KDM1B: variants seen among roughly 807,000 people sequenced by gnomAD.
The protein encoded by KDM1B is lysine demethylase 1B.
KDM1B carries 63 observed loss-of-function variants against 107.4 expected under a neutral mutation model. That is an observed-to-expected ratio of 0.59 (90% CI 0.48 to 0.72). The LOEUF (loss-of-function observed/expected upper bound fraction) is 0.72, where lower values mean the gene tolerates loss of function less well. Ranked by LOEUF, KDM1B falls within the 30% of genes least tolerant of loss-of-function variation. The probability of loss-of-function intolerance (pLI) is 0.00; values close to 1 mark genes in which losing one functional copy is unlikely to be tolerated. For synonymous variants in KDM1B, 363 were observed against 363.9 expected (o/e 1.00, Z 0.03); for missense variants, 749 against 1,020.8 (o/e 0.73, Z 3.63).
chr6:18,184,245 G>C (rs538916545), intron 7 of KDM1B, among the ~76,000 whole-genome samples: 1 of 147,868 alleles, frequency 6.8e-6, no homozygotes, highest in East Asian at 2.0e-4. Context: ...TACATGAATG[G>C]TATCCTACAC....
chr6:18,166,509 T>C (rs1335776105), intron 6 of KDM1B, 131 bp downstream of exon 6: 19 of 596,762 alleles, frequency 3.2e-5, no homozygotes, highest in Non-Finnish European at 5.2e-5. Flanking sequence ...AGCAAATATT[T>C]TTTATTTTTA....
At chr6:18,202,863 T>A (rs214610) in intron 14 of KDM1B, among the ~76,000 whole-genome samples, 1 of 152,204 alleles carries the variant, frequency 6.6e-6, no homozygotes, top group African/African-American at 2.4e-5. Flanking sequence ...TTGACTGATA[T>A]ACTACAAGAG....
chr6:18,191,232 C>G lies in KDM1B; in HGVS notation c.820C>G (p.Gln274Glu), dbSNP rs1459153846. The change falls in exon 10 of 22, where the codon CAG becomes GAG. Residue 274 changes from glutamine (Q) to glutamate (E), a missense_variant. Coordinates refer to ENST00000650836, the MANE Select transcript of KDM1B (RefSeq NM_001364614.2). This position sits in a 1 kb window ranked among gnomAD's most constrained non-coding sequence, Gnocchi z 5.1. ...GAACCGATACTTCCAGCCTTTCTAC[C>G]AGCCCAATGAGTGTGGCAAAGCCCT... ...GMNRYFQPFY[Q>E]PNECGKALCV... is the part of the protein sequence containing the mutation. The G allele has an allele frequency of 2.6e-6, 4 of 1,550,518 alleles. No homozygotes were observed. The highest frequency in any genetic ancestry group is 3.5e-6 in the Non-Finnish European group (4 of 1,146,992).
At chr6:18,183,255 TG>T (rs1310895060) in intron 7 of KDM1B, among the ~76,000 whole-genome samples, 19 of 116,070 alleles carry the variant, frequency 1.6e-4, no homozygotes, top group Middle Eastern at 8.5e-3. Flanking sequence ...CTGAATTTTG[TG>T]GGTTTTTTTT....
rs1309274378 is a variant in KDM1B, at chr6:18,187,949, G to T, written c.731G>T (p.Gly244Val). 8.4e-6 allele frequency: 13 copies of T among 1,550,484 alleles called. No individual in the cohort carries two copies. The South Asian group carries it at 1.5e-4, about 18-fold the overall frequency. The change falls in exon 9 of 22, where the codon GGC becomes GTC. Residue 244 changes from glycine to valine, a missense_variant. Gly to Val is a moderately radical substitution (Grantham distance 109). Transcript: ENST00000650836. ...CTSTNRAAATGNASPGKLEHS... is the reference protein window; with the variant it reads ...CTSTNRAAATVNASPGKLEHS... ...AGCACAAACCGCGCCGCTGCCACTG[G>T]CAATGCCAGCCCTGGGAAGCTGGAG...
At chr6:18,182,646 C>A (rs1022103951) in intron 7 of KDM1B, among the ~76,000 whole-genome samples, 10 of 151,986 alleles carry the variant, frequency 6.6e-5, no homozygotes, top group African/African-American at 2.4e-4. Flanking sequence ...TCAAGTGATT[C>A]TCACCTGACT....
chr6:18,165,332 G>A (rs1039833738), intron 5 of KDM1B, among the ~76,000 whole-genome samples: 2 of 151,390 alleles, frequency 1.3e-5, no homozygotes, highest in South Asian at 2.1e-4. Flanking sequence ...GGGTTTCACT[G>A]TGTTAGCCAG....
Position 18,171,414 on chromosome 6 carries a change from A to G in KDM1B, c.469A>G (p.Ile157Val), listed in dbSNP as rs1356812165. Residue 157 changes from isoleucine to valine, a missense_variant, in exon 7 of 22, where the codon ATC becomes GTC. Coordinates refer to ENST00000650836, the MANE Select transcript of KDM1B (RefSeq NM_001364614.2). ...CRKWRQLTKEIQLTPQIAKTY... is the reference protein window; with the variant it reads ...CRKWRQLTKEVQLTPQIAKTY... Reference sequence around the variant, plus strand: ...AAAATGGAGGCAGCTTACCAAGGAAATCCAGCTTACTCCACAGATAGCCAA... The same window carrying G: ...AAAATGGAGGCAGCTTACCAAGGAAGTCCAGCTTACTCCACAGATAGCCAA... 6.2e-7 allele frequency: 1 copy of G among 1,613,760 alleles called. No individual in the cohort carries two copies. Among genetic ancestry groups the G allele is most frequent in the South Asian group, 1.1e-5 (1 of 91,080 alleles).
At position 18,200,054 on chromosome 6, in the gene KDM1B, G is replaced by C. The variant is rs892442078; in HGVS notation, c.1222-385G>C. 6.6e-5 allele frequency among the ~76,000 whole-genome samples: 10 copies of C among 152,036 alleles called. No individual in the cohort carries two copies. Among genetic ancestry groups the C allele is most frequent in the Non-Finnish European group, 1.5e-4 (10 of 68,006 alleles). ...CCACCACACCCGACTATGTATTTCT[G>C]GTAGAGACAGGGTTTCACCATGTTG... On this transcript the variant is annotated intron_variant, in intron 12 of 21. Transcript: ENST00000650836. This position sits in a 1 kb window ranked among gnomAD's most constrained non-coding sequence, Gnocchi z 4.3.
intron 7 of KDM1B, among the ~76,000 whole-genome samples, chr6:18,171,832 A>T (rs1785683283): frequency 6.6e-6 from 1 of 152,180 alleles, no homozygotes; most frequent in African/African-American, 2.4e-5. Flanking sequence ...CTAAGCAGAA[A>T]AGGGGGAAAG....
chr6:18,215,187 G>A (rs1789130861), intron 20 of KDM1B, 58 bp downstream of exon 20: 1 of 1,552,992 alleles, frequency 6.4e-7, no homozygotes, highest in African/African-American at 1.4e-5. Flanking sequence ...TCCAGAGCAG[G>A]TGTGAAGCCC....
intron 17 of KDM1B, 125 bp downstream of exon 17, chr6:18,208,331 T>A (rs909011438): frequency 1.5e-6 from 1 of 664,322 alleles, no homozygotes; most frequent in African/African-American, 1.8e-5. Context: ...GTTGGATTTC[T>A]GGTAAGTTAT....
In KDM1B at chr6:18,212,625, C is replaced by G. The variant is rs1788927108; in HGVS notation, c.1983+21C>G. The G allele has an allele frequency of 6.9e-7, 1 of 1,451,510 alleles. No individual in the cohort carries two copies. The highest frequency in any genetic ancestry group is 9.7e-7 in the Non-Finnish European group (1 of 1,031,848). 89.9% of individuals were successfully genotyped at this position (1,451,510 alleles called of 1,614,324 possible). On this transcript the variant is annotated intron_variant, in intron 18 of 21. Coordinates refer to ENST00000650836, the MANE Select transcript of KDM1B (RefSeq NM_001364614.2). The surrounding 1 kb of genome is among the most constrained non-coding windows in gnomAD (Gnocchi z 5.2). ...AAAAGGTGACTGAAATGACCTCATC[C>G]TCAGCAAGAAAGAGATTAATGTCAG...
intron 10 of KDM1B, among the ~76,000 whole-genome samples, chr6:18,192,699 GT>G (rs1304026068): frequency 2.7e-5 from 4 of 149,044 alleles, no homozygotes; most frequent in Middle Eastern, 3.5e-3. Context: ...GTGCCTAGGA[GT>G]TCAAGACCAG....
intron 10 of KDM1B, among the ~76,000 whole-genome samples, chr6:18,193,638 A>G (rs1474296564): frequency 6.6e-6 from 1 of 151,830 alleles, no homozygotes; most frequent in African/African-American, 2.4e-5. Flanking sequence ...GAATACAAAC[A>G]AATGTATTAT....
At chr6:18,192,918 C>T (rs565511876) in intron 10 of KDM1B, among the ~76,000 whole-genome samples, 31 of 151,964 alleles carry the variant, frequency 2.0e-4, no homozygotes, top group East Asian at 1.2e-3. Context: ...ACCGGCTGGG[C>T]GCGGTGGCTC....
chr6:18,169,973 G>T (rs1257951071), intron 6 of KDM1B, among the ~76,000 whole-genome samples: 1 of 135,294 alleles, frequency 7.4e-6, no homozygotes, highest in East Asian at 2.2e-4. Context: ...GCATTGGTAC[G>T]ATCTCAGCTC....
chr6:18,207,301 C>G (rs756447332), intron 15 of KDM1B, 97 bp from the exon 16 acceptor site: 45 of 1,396,668 alleles, frequency 3.2e-5, no homozygotes, highest in Non-Finnish European at 4.2e-5. Flanking sequence ...GCCCTCCTGC[C>G]TTGGTGGCTG....
intron 15 of KDM1B, among the ~76,000 whole-genome samples, chr6:18,206,736 C>A (rs1413171597): frequency 1.3e-5 from 2 of 152,050 alleles, no homozygotes; most frequent in South Asian, 2.1e-4. Context: ...TGTCTCTTTA[C>A]CGTCCTTTCC....
Sources: gnomAD v4.1 joint callset for allele counts (sites outside exome capture counted in the v4.1 genomes callset) on GRCh38, gnomAD v4.1.1 for gene constraint, Gnocchi (gnomAD v3.1) non-coding constraint, MANE v1.5 for transcripts, NCBI Gene and HGNC (gene_info 2026-07-23, HGNC 2026-07-21) for gene names.